LRMDA: variants seen among roughly 807,000 people sequenced by gnomAD.
LRMDA encodes the protein leucine rich melanocyte differentiation associated.
In LRMDA, 18 loss-of-function variants were observed where a neutral mutation model predicts 29.8. The observed-to-expected ratio is 0.60, with a 90% CI of 0.42 to 0.90. LRMDA has a LOEUF of 0.90. Among genes scored for constraint, LRMDA ranks in the 40% least tolerant of loss-of-function variants. The pLI, the probability that LRMDA is intolerant of heterozygous loss-of-function variation, is 0.00. For missense variants in LRMDA, 273 were observed against 273.9 expected, an observed-to-expected ratio of 1.00 and a Z score of 0.02; for synonymous variants, 125 against 109.4, an observed-to-expected ratio of 1.14 and a Z score of -0.89.
intron 1 of LRMDA, among the ~76,000 whole-genome samples, chr10:75,436,846 C>G (rs908514414): frequency 6.6e-6 from 1 of 152,154 alleles, no homozygotes; most frequent in African/African-American, 2.4e-5. Context: ...GCCACAGTCT[C>G]TCTTTGGCAT....
chr10:75,471,600 G>A (rs1307429653), intron 2 of LRMDA, among the ~76,000 whole-genome samples: 1 of 152,180 alleles, frequency 6.6e-6, no homozygotes, highest in African/African-American at 2.4e-5. Flanking sequence ...TACATACGTT[G>A]TTTTGAGTTC....
At chr10:75,823,472 G>A (rs1486498081) in intron 2 of LRMDA, among the ~76,000 whole-genome samples, 2 of 152,148 alleles carry the variant, frequency 1.3e-5, no homozygotes, top group Non-Finnish European at 2.9e-5. Flanking sequence ...TGGTAGTGAG[G>A]ATATGCAGTA....
chr10:75,636,541 CT>C (rs1312881070), intron 2 of LRMDA, among the ~76,000 whole-genome samples: 1 of 151,616 alleles, frequency 6.6e-6, no homozygotes, highest in East Asian at 1.9e-4. Context: ...TTTTAATTGC[CT>C]TTTTTCATTT....
intron 4 of LRMDA, 41 bp downstream of exon 4, chr10:76,047,344 AAG>A (rs1564638567): frequency 1.3e-6 from 2 of 1,558,690 alleles, no homozygotes; most frequent in South Asian, 2.4e-5. Context: ...AAAAGGGAAA[AAG>A]AGAAACTTTA....
At position 75,819,360 on chromosome 10, in the gene LRMDA, T is replaced by G. The variant is rs572368298; in HGVS notation, c.132-216648T>G. Reference sequence around the variant, plus strand: ...GCTATTGGTGGTTGTGGGAAGGGATTACCTATAGATCCAATAGGAAACCAT... The same window carrying G: ...GCTATTGGTGGTTGTGGGAAGGGATGACCTATAGATCCAATAGGAAACCAT... On this transcript the variant is annotated intron_variant, in intron 2 of 6. Coordinates refer to ENST00000611255, the MANE Select transcript of LRMDA (RefSeq NM_001305581.2). Among the ~76,000 whole-genome samples the G allele has an allele frequency of 9.8e-5, 15 of 152,302 alleles. No individual in the cohort carries two copies. The South Asian group carries it at 3.1e-3, about 32-fold the overall frequency.
At chr10:75,773,652 G>A (rs1043131322) in intron 2 of LRMDA, among the ~76,000 whole-genome samples, 10 of 152,270 alleles carry the variant, frequency 6.6e-5, no homozygotes, top group Middle Eastern at 3.4e-3. Flanking sequence ...CTCACACTTC[G>A]CCCAGTGAGT....
intron 5 of LRMDA, among the ~76,000 whole-genome samples, chr10:76,181,083 C>G (rs1213335092): frequency 2.0e-5 from 3 of 152,146 alleles, no homozygotes; most frequent in Non-Finnish European, 4.4e-5. Flanking sequence ...CTGTCATGCT[C>G]CCTTCTAGGA....
At chr10:75,997,321 A>G (rs1183406452) in intron 2 of LRMDA, among the ~76,000 whole-genome samples, 1 of 152,222 alleles carries the variant, frequency 6.6e-6, no homozygotes, top group Non-Finnish European at 1.5e-5. Flanking sequence ...TACCCATGTT[A>G]TAAATAGTTC....
intron 2 of LRMDA, among the ~76,000 whole-genome samples, chr10:76,010,965 C>A (rs1240140435): frequency 1.3e-5 from 2 of 152,204 alleles, no homozygotes; most frequent in East Asian, 3.8e-4. Flanking sequence ...ACAGACTAGC[C>A]CTGAAAACCT....
At chr10:75,709,382 G>T (rs999785375) in intron 2 of LRMDA, among the ~76,000 whole-genome samples, 3 of 151,950 alleles carry the variant, frequency 2.0e-5, no homozygotes, top group Admixed American at 1.3e-4. Context: ...GCATGCGTAT[G>T]TGTGCCTGTG....
intron 2 of LRMDA, among the ~76,000 whole-genome samples, chr10:75,729,865 A>T (rs932735449): frequency 6.6e-6 from 1 of 152,310 alleles, no homozygotes; most frequent in South Asian, 2.1e-4. Flanking sequence ...TAGCACGATC[A>T]TAGCTCACTA....
chr10:75,855,829 C>T (rs1844815925), intron 2 of LRMDA, among the ~76,000 whole-genome samples: 1 of 152,158 alleles, frequency 6.6e-6, no homozygotes. Context: ...GGAATCGTTT[C>T]CCCATTCCTT....
chr10:76,254,103 A>G (rs1317048437), intron 5 of LRMDA, among the ~76,000 whole-genome samples: 2 of 152,166 alleles, frequency 1.3e-5, no homozygotes, highest in African/African-American at 4.8e-5. Context: ...TGAATTCACT[A>G]GAATATGCCC....
At chr10:75,662,806 T>G (rs559215633) in intron 2 of LRMDA, among the ~76,000 whole-genome samples, 9 of 152,296 alleles carry the variant, frequency 5.9e-5, no homozygotes, top group Admixed American at 1.3e-4. Context: ...GGTATGCACA[T>G]GTTTTTGGCA....
intron 2 of LRMDA, among the ~76,000 whole-genome samples, chr10:75,983,634 C>T (rs6480797): frequency 0.66 from 100,361 of 152,050 alleles, 33,182 homozygotes; most frequent in South Asian, 0.72. Flanking sequence ...CATATACATA[C>T]GCGTACATGT....
chr10:76,530,180 A>C (rs1223688635), intron 6 of LRMDA, among the ~76,000 whole-genome samples: 3 of 152,206 alleles, frequency 2.0e-5, no homozygotes, highest in Non-Finnish European at 4.4e-5. Flanking sequence ...ATGCAGGAAG[A>C]GTCTAAGAGT....
intron 2 of LRMDA, among the ~76,000 whole-genome samples, chr10:75,975,732 T>C (rs544309275): frequency 6.6e-6 from 1 of 152,356 alleles, no homozygotes; most frequent in Non-Finnish European, 1.5e-5. Context: ...TCTTTTAGAA[T>C]AGAAATCATG....
intron 2 of LRMDA, among the ~76,000 whole-genome samples, chr10:75,502,054 T>G (rs1845119696): frequency 6.6e-6 from 1 of 152,222 alleles, no homozygotes; most frequent in African/African-American, 2.4e-5. Flanking sequence ...GGGCCCAGGC[T>G]GTGTTCCTCT....
intron 5 of LRMDA, among the ~76,000 whole-genome samples, chr10:76,219,307 G>A (rs1474037846): frequency 6.6e-6 from 1 of 150,926 alleles, no homozygotes; most frequent in Non-Finnish European, 1.5e-5. Flanking sequence ...CCAATTAAAA[G>A]ACACAGACTG....
Sources: allele counts gnomAD v4.1 joint callset (sites outside exome capture counted in the v4.1 genomes callset), GRCh38; gene constraint gnomAD v4.1.1; transcripts MANE v1.5; gene names NCBI Gene and HGNC (gene_info 2026-07-23, HGNC 2026-07-21).